RBFOX1: variants seen among roughly 807,000 people sequenced by gnomAD.
RBFOX1 encodes the protein RNA binding protein fox-1 homolog 1.
Under a neutral mutation model 57.7 loss-of-function variants are expected in RBFOX1, and 8 were observed. The ratio of observed to expected loss-of-function variants is 0.14; its 90% CI spans 0.08 to 0.25. The LOEUF (loss-of-function observed/expected upper bound fraction) is 0.25. Among genes scored for constraint, RBFOX1 ranks in the 10% least tolerant of loss-of-function variants. The probability of loss-of-function intolerance (pLI) is 1.00; values close to 1 mark genes in which losing one functional copy is unlikely to be tolerated. For missense variants in RBFOX1, 611 were observed against 548.5 expected, an observed-to-expected ratio of 1.11 and a Z score of -1.14; for synonymous variants, 326 against 222.4, an observed-to-expected ratio of 1.47 and a Z score of -4.15.
intron 4 of RBFOX1, among the ~76,000 whole-genome samples, chr16:7,318,443 C>G (rs1464025047): frequency 6.6e-6 from 1 of 152,062 alleles, no homozygotes; most frequent in African/African-American, 2.4e-5. Context: ...ACATAAGTAC[C>G]TGGCTTCAGA....
rs570174193 is a variant in RBFOX1, at chr16:7,325,572, G to C, written c.28-192575G>C. ...CACTAACTGAAAGCAGTCTCTAAGT[G>C]GGGAGATGTGACTTCTCTTCTCCGG... On this transcript the variant is annotated intron_variant, in intron 4 of 15. Coordinates refer to ENST00000550418, the MANE Select transcript of RBFOX1 (RefSeq NM_018723.4). 7.8e-4 allele frequency among the ~76,000 whole-genome samples: 118 copies of C among 152,252 alleles called. 1 individual carries two copies. Among genetic ancestry groups the C allele is most frequent in the African/African-American group, 2.8e-3 (118 of 41,552 alleles).
chr16:5,552,969 C>T (rs1025563698), intron 2 of RBFOX1, among the ~76,000 whole-genome samples: 15 of 152,120 alleles, frequency 9.9e-5, no homozygotes, highest in African/African-American at 3.4e-4. Flanking sequence ...AGGATCAGTC[C>T]ATGTCCTTTA....
chr16:7,421,238 A>C (rs1180515388), intron 4 of RBFOX1, among the ~76,000 whole-genome samples: 1 of 142,620 alleles, frequency 7.0e-6, no homozygotes, highest in Non-Finnish European at 1.5e-5. Flanking sequence ...AAAGACAAAG[A>C]GAGAGAGAAC....
At chr16:6,231,373 C>T (rs1324650022) in intron 1 of RBFOX1, among the ~76,000 whole-genome samples, 1 of 152,002 alleles carries the variant, frequency 6.6e-6, no homozygotes, top group Non-Finnish European at 1.5e-5. Context: ...CTCTCTAGCT[C>T]TTCTCATTTT....
At chr16:6,935,899 T>C (rs193090098) in intron 3 of RBFOX1, among the ~76,000 whole-genome samples, 67 of 152,288 alleles carry the variant, frequency 4.4e-4, no homozygotes, top group African/African-American at 1.5e-3. Flanking sequence ...CGGTTGCTAA[T>C]GGAACCCTTG....
chr16:5,731,860 A>C (rs2052384964), intron 3 of RBFOX1, among the ~76,000 whole-genome samples: 1 of 152,170 alleles, frequency 6.6e-6, no homozygotes. Context: ...GAAAAATAAG[A>C]AGACACCACC....
At chr16:6,930,584 A>G (rs759356357) in intron 3 of RBFOX1, among the ~76,000 whole-genome samples, 1 of 151,946 alleles carries the variant, frequency 6.6e-6, no homozygotes, top group Non-Finnish European at 1.5e-5. Flanking sequence ...TAATTTTGGT[A>G]CTTTTAGTAG....
intron 3 of RBFOX1, among the ~76,000 whole-genome samples, chr16:6,813,656 T>C (rs1447125865): frequency 6.6e-6 from 1 of 152,144 alleles, no homozygotes; most frequent in East Asian, 1.9e-4. Context: ...TGCAATTCCT[T>C]TTCATTTTGA....
At chr16:6,775,203 TCGGA>T (rs1308129162) in intron 3 of RBFOX1, among the ~76,000 whole-genome samples, 1 of 149,902 alleles carries the variant, frequency 6.7e-6, no homozygotes, top group African/African-American at 2.5e-5. Context: ...CTGGTGTGGT[TCGGA>T]CGCCTGTAGT....
At chr16:6,451,531 C>T (rs536913645) in intron 2 of RBFOX1, among the ~76,000 whole-genome samples, 1 of 152,262 alleles carries the variant, frequency 6.6e-6, no homozygotes, top group Admixed American at 6.5e-5. Context: ...GGCGTGACTT[C>T]CCCAACGTGG....
chr16:5,780,281 C>T (rs535022222), intron 3 of RBFOX1, among the ~76,000 whole-genome samples: 16 of 152,302 alleles, frequency 1.1e-4, no homozygotes, highest in Middle Eastern at 6.8e-3. Context: ...GGATTACAGG[C>T]GTGTGCCATT....
intron 3 of RBFOX1, among the ~76,000 whole-genome samples, chr16:5,707,736 A>G (rs2051306393): frequency 1.3e-5 from 2 of 152,274 alleles, no homozygotes; most frequent in Non-Finnish European, 1.5e-5. Context: ...TGATACTAAT[A>G]CCTTATTGGG....
At chr16:7,100,033 G>T (rs1481684400) in intron 4 of RBFOX1, among the ~76,000 whole-genome samples, 1 of 151,792 alleles carries the variant, frequency 6.6e-6, no homozygotes, top group African/African-American at 2.4e-5. Context: ...TGCCCTGGTC[G>T]AGGAGGGGGT....
chr16:7,161,033 G>A (rs535238739), intron 4 of RBFOX1, among the ~76,000 whole-genome samples: 5 of 152,130 alleles, frequency 3.3e-5, no homozygotes, highest in African/African-American at 9.7e-5. Flanking sequence ...TTTGTTGTCA[G>A]TGTTTTGGTT....
At chr16:6,654,324 G>A (rs17140842) in intron 2 of RBFOX1, among the ~76,000 whole-genome samples, 6,018 of 152,250 alleles carry the variant, frequency 0.04, 289 homozygotes, top group East Asian at 0.099. Context: ...TGAGCTATCA[G>A]TTCCTCTTTG....
At chr16:6,409,018 C>T (rs552612575) in intron 2 of RBFOX1, among the ~76,000 whole-genome samples, 32 of 152,254 alleles carry the variant, frequency 2.1e-4, no homozygotes, top group African/African-American at 7.5e-4. Context: ...ATACTTAAAG[C>T]CTAACACATA....
chr16:7,539,013 G>A (rs544514425), intron 5 of RBFOX1, among the ~76,000 whole-genome samples: 1 of 152,226 alleles, frequency 6.6e-6, no homozygotes, highest in South Asian at 2.1e-4. Flanking sequence ...AGAAATGAGA[G>A]TAGAAGCTGC....
intron 1 of RBFOX1, among the ~76,000 whole-genome samples, chr16:6,254,798 ATTCAATTCATTATTT>A (rs2097650089): frequency 1.3e-5 from 2 of 152,184 alleles, no homozygotes; most frequent in South Asian, 4.2e-4. Flanking sequence ...GTGAAAGGAA[ATTCAATTCATTATTT>A]TTAGTAACAC....
At chr16:5,359,991 A>AACTT (rs1341057817) in intron 1 of RBFOX1, among the ~76,000 whole-genome samples, 3 of 152,216 alleles carry the variant, frequency 2.0e-5, no homozygotes, top group Non-Finnish European at 4.4e-5. Context: ...AACAATCCAA[A>AACTT]ACATAAATTT....
Sources: allele counts gnomAD v4.1 joint callset (sites outside exome capture counted in the v4.1 genomes callset), GRCh38; gene constraint gnomAD v4.1.1; transcripts MANE v1.5; gene names NCBI Gene and HGNC (gene_info 2026-07-23, HGNC 2026-07-21).